The following TTN variants were observed in gnomAD, a reference collection of about 807,000 sequenced individuals.
The protein encoded by TTN is titin.
TTN carries 1,525 observed loss-of-function variants against 3,223.0 expected under a neutral mutation model. The ratio of observed to expected loss-of-function variants is 0.47; its 90% confidence interval spans 0.45 to 0.49. The LOEUF is 0.49. Ranked by LOEUF, TTN falls within the 20% of genes least tolerant of loss-of-function variation. The pLI is 0.00. For synonymous variants in TTN, 14,094 were observed against 15,161.0 expected, an observed-to-expected ratio of 0.93 and a Z score of 5.17; for missense variants, 40,786 against 43,424.0, an observed-to-expected ratio of 0.94 and a Z score of 5.40.
At chr2:178,784,875 T>C (rs2093053776) in intron 15 of TTN, among the ~76,000 whole-genome samples, 1 of 152,242 alleles carries the variant, frequency 6.6e-6, no homozygotes, top group Non-Finnish European at 1.5e-5. Flanking sequence ...CTATGGTTAT[T>C]TGTTTTGTAA....
intron 308 of TTN, 123 bp from the exon 309 acceptor site, chr2:178,585,470 T>C (rs1575993661): frequency 1.9e-6 from 2 of 1,049,228 alleles, no homozygotes; most frequent in Non-Finnish European, 2.7e-6. Context: ...ATACTTTAAG[T>C]TCTGGGATAC....
In TTN at chr2:178,569,227, A is replaced by T; in HGVS notation, c.76905T>A (p.Asn25635Lys). The change falls in exon 326 of 363, where the codon AAT becomes AAA. Residue 25635 changes from asparagine to lysine, a missense_variant. Asn to Lys is a moderately conservative substitution (Grantham distance 94). Coordinates refer to ENST00000589042, the MANE Select transcript of TTN (RefSeq NM_001267550.2). The part of the protein sequence containing the change: ...PLLDGGSKIK[N>K]YIVEKREATR... The stretch of plus-strand genomic sequence containing the variant: ...TGGCTTCACGTTTCTCAACAATGTA[A>T]TTTTTTATTTTGGATCCCCCATCCA... 1 of 1,603,852 alleles carries T rather than the reference A, an allele frequency of 6.2e-7. No homozygotes were observed. The highest frequency in any genetic ancestry group is 8.5e-7 in the Non-Finnish European group (1 of 1,174,426).
chr2:178,605,485 A>T lies in TTN; in HGVS notation c.53810T>A (p.Val17937Asp), dbSNP rs1559723150. ...LDEHQMYEFR[V>D]KAVNEIGESE... ...TTCACCAATTTCATTGACAGCTTTGACACGGAACTCATACATTTGGTGTTC... is the reference window on the plus strand; with the variant it reads ...TTCACCAATTTCATTGACAGCTTTGTCACGGAACTCATACATTTGGTGTTC... Residue 17937 changes from valine to aspartate, a missense_variant, in exon 279 of 363, where the codon GTC becomes GAC. Physicochemically the swap from Val to Asp is radical, Grantham distance 152 (BLOSUM62 -3). Transcript: ENST00000589042. 1 of 1,612,292 alleles carries T rather than the reference A, an allele frequency of 6.2e-7. No individual in the cohort carries two copies.
At position 178,694,694 on chromosome 2, in the gene TTN, A is replaced by C. The variant is rs1333748203; in HGVS notation, c.31349-18T>G. 14 of 1,532,734 alleles carry C rather than the reference A, an allele frequency of 9.1e-6. No individual in the cohort carries two copies. The highest frequency in any genetic ancestry group is 1.1e-5 in the Non-Finnish European group (12 of 1,137,078). The allele number at this position is 1,532,734 out of a possible 1,614,324, so 94.9% of individuals were successfully genotyped here. ...TTCAGGTACTTTAAAAATATGTACA[A>C]ATATATTTGTATTTTGAAGAATATT... On this transcript the variant is annotated intron_variant, in intron 116 of 362. Transcript: ENST00000589042.
Position 178,725,582 on chromosome 2 carries a change from T to A in TTN, c.20622A>T (p.Gln6874His). 1 of 1,612,370 alleles carries A rather than the reference T, an allele frequency of 6.2e-7. No homozygotes were observed. Among genetic ancestry groups the A allele is most frequent in the Non-Finnish European group, 8.5e-7 (1 of 1,179,096 alleles). ...TAGGCTGGGCGCCTTCTATGGATGC[T>A]TGTAATTCAGCAGGCTCTCCGGCTA... ...TVVAGEPAEL[Q>H]ASIEGAQPIF... Residue 6874 changes from glutamine to histidine, a missense_variant, in exon 71 of 363, where the codon CAA (glutamine) becomes CAT (histidine). Physicochemically the swap from Gln to His is conservative, Grantham distance 24 (BLOSUM62 0). Transcript: ENST00000589042.
Position 178,569,493 on chromosome 2 carries a change from C to T in TTN, c.76639G>A (p.Val25547Met), listed in dbSNP as rs1429730962. ...RPTPEVKWGK[V>M]DGEIRDAAII... ...GCTGCATCTCGGATTTCACCATCCA[C>T]CTTTCCCCATTTAACTTCTGGTGTA... Residue 25547 changes from valine (V) to methionine (M), a missense_variant, in exon 326 of 363, where the codon GTG (valine) becomes ATG (methionine). Coordinates refer to ENST00000589042, the MANE Select transcript of TTN (RefSeq NM_001267550.2). 6.2e-6 allele frequency: 10 copies of T among 1,612,756 alleles called. 1 individual carries two copies. The highest frequency in any genetic ancestry group is 3.3e-5 in the Admixed American group (2 of 59,958).
At chr2:178,638,245 AT>A (rs1045885889) in intron 223 of TTN, among the ~76,000 whole-genome samples, 11 of 151,712 alleles carry the variant, frequency 7.3e-5, no homozygotes, top group South Asian at 2.1e-4. Context: ...AATATAGTGT[AT>A]TTTTTTATGT....
chr2:178,674,979 A>G, intron 150 of TTN, 60 bp downstream of exon 150: 1 of 1,038,064 alleles, frequency 9.6e-7, no homozygotes, highest in South Asian at 1.9e-5. Flanking sequence ...TACTTCAAAT[A>G]TTAGACAATA....
In TTN at chr2:178,580,230, C is replaced by T. The variant is rs756715989; in HGVS notation, c.67058-1G>A. ...ACATTGACAGGTGGCCCAGGAGTAT[C>T]TGGATAAATAGTAGGTAAATAAGAA... On this transcript the variant is annotated splice_acceptor_variant, in intron 317 of 362. Coordinates refer to ENST00000589042, the MANE Select transcript of TTN (RefSeq NM_001267550.2). LOFTEE classifies it high-confidence loss of function. The T allele has an allele frequency of 6.2e-7, 1 of 1,611,548 alleles. No homozygotes were observed. The highest frequency in any genetic ancestry group is 1.1e-5 in the South Asian group (1 of 90,472).
Position 178,535,214 on chromosome 2 carries a change from C to T in TTN, c.101401G>A (p.Glu33801Lys). Residue 33801 changes from glutamate to lysine, a missense_variant, in exon 358 of 363, where the codon GAA (glutamate) becomes AAA (lysine). By Grantham distance (56) the Glu-to-Lys change is moderately conservative (BLOSUM62 1). Coordinates refer to ENST00000589042, the MANE Select transcript of TTN (RefSeq NM_001267550.2). ...TGAGATGCTTTAGTCATGGAGACTTCCCTGGTTTCATCTACCTCTTCATCA... is the reference window on the plus strand; with the variant it reads ...TGAGATGCTTTAGTCATGGAGACTTTCCTGGTTTCATCTACCTCTTCATCA... ...NYDEEVDETR[E>K]VSMTKASHSS... The T allele has an allele frequency of 6.2e-7, 1 of 1,613,890 alleles. No homozygotes were observed. Among genetic ancestry groups the T allele is most frequent in the Non-Finnish European group, 8.5e-7 (1 of 1,179,848 alleles).
At position 178,649,412 on chromosome 2, in the gene TTN, G is replaced by A. The variant is rs899902250; in HGVS notation, c.39974-81C>T. The A allele has an allele frequency of 1.4e-5, 18 of 1,326,162 alleles. No homozygotes were observed. The African/African-American group carries it at 2.7e-4, about 20-fold the overall frequency. The allele number at this position is 1,326,162 out of a possible 1,614,324, so 82.1% of individuals were successfully genotyped here. A position where few individuals can be genotyped will look rare whatever the true frequency, so the allele number is the denominator to read the frequency against. On this transcript the variant is annotated intron_variant, in intron 212 of 362. Transcript: ENST00000589042. ...TAAGAATAAAAAACCTGTATTTATT[G>A]GAGCAGCATTAAAATTAATGAAAGC...
At position 178,745,877 on chromosome 2, in the gene TTN, T is replaced by A; in HGVS notation, c.11312-3956A>T. ...AAACCTGGGAGGCCCTTCCACCACC[T>A]GAAATTCAAAAAAACTGTCTGTGTA... On this transcript the variant is annotated intron_variant, in intron 47 of 362. Transcript: ENST00000589042. 3 of 1,611,840 alleles carry A rather than the reference T, an allele frequency of 1.9e-6. No individual in the cohort carries two copies. In the South Asian group the frequency reaches 3.3e-5, roughly 18 times the overall value.
chr2:178,674,363 T>C lies in TTN; in HGVS notation c.34659A>G (p.Pro11553=). 6.3e-7 allele frequency: 1 copy of C among 1,598,214 alleles called. No individual in the cohort carries two copies. The highest frequency in any genetic ancestry group is 8.5e-7 in the Non-Finnish European group (1 of 1,170,920). Residue 11553 remains proline (P), a synonymous_variant, in exon 151 of 363, where the codon CCA becomes CCG. Transcript: ENST00000589042. ...EEEPISEEEI[P]EEPPSIEEVE... ...CTTCCTCTATGCTAGGTGGTTCTTC[T>C]GGGATTTCTTCTTCTGAAATAGGCT...
chr2:178,610,082 A>G lies in TTN; in HGVS notation c.51436+8T>C, dbSNP rs763959898. On this transcript the variant is annotated splice_region_variant and intron_variant, in intron 271 of 362. Transcript: ENST00000589042. The stretch of plus-strand genomic sequence containing the variant: ...TCTTAGCCATAGTGCATCCATGTCC[A>G]AACTTACGCTTTGGATCTTGAGCAA... 6.2e-7 allele frequency: 1 copy of G among 1,612,652 alleles called. No homozygotes were observed. Among genetic ancestry groups the G allele is most frequent in the Admixed American group, 1.7e-5 (1 of 59,922 alleles).
At chr2:178,797,889 T>C (rs975885949) in intron 6 of TTN, among the ~76,000 whole-genome samples, 1 of 152,142 alleles carries the variant, frequency 6.6e-6, no homozygotes, top group African/African-American at 2.4e-5. Flanking sequence ...TTTTTCATTT[T>C]TTAACTATTT....
chr2:178,629,170 C>CT (rs2154219313), intron 240 of TTN, 131 bp downstream of exon 240: 1 of 1,277,774 alleles, frequency 7.8e-7, no homozygotes, highest in East Asian at 2.8e-5. Context: ...AGAAATCAGG[C>CT]TAAAGGCGGA....
In TTN at chr2:178,530,086, A is replaced by G; in HGVS notation, c.106405T>C (p.Ser35469Pro). 1.2e-6 allele frequency: 2 copies of G among 1,609,060 alleles called. No homozygotes were observed. The highest frequency in any genetic ancestry group is 1.7e-6 in the Non-Finnish European group (2 of 1,178,660). Residue 35469 changes from serine to proline, a missense_variant, in exon 359 of 363, where the codon TCT becomes CCT. Ser to Pro is a moderately conservative substitution (Grantham distance 74). Transcript: ENST00000589042. Reference sequence around the variant, plus strand: ...AAGAAGAACCCTCCCTTGTCTTCAGAGAGTTTATATTTACCTCCTTGTGTA... The same window carrying G: ...AAGAAGAACCCTCCCTTGTCTTCAGGGAGTTTATATTTACCTCCTTGTGTA... ...AITQGGKYKL[S>P]EDKGGFFLEI...
chr2:178,631,151 T>A lies in TTN; in HGVS notation c.43897A>T (p.Ile14633Phe). 6.2e-7 allele frequency: 1 copy of A among 1,613,390 alleles called. No homozygotes were observed. Among genetic ancestry groups the A allele is most frequent in the Non-Finnish European group, 8.5e-7 (1 of 1,179,600 alleles). ...KEIKPSKNAVIKADGKKRMLI... is the reference protein window; with the variant it reads ...KEIKPSKNAVFKADGKKRMLI... ...ATGCGTTTCTTGCCATCTGCCTTAA[T>A]AACAGCATTTTTGGATGGCTTTATT... The change falls in exon 237 of 363, where the codon ATT becomes TTT. Residue 14633 changes from isoleucine (I) to phenylalanine (F), a missense_variant. By Grantham distance (21) the Ile-to-Phe change is conservative. Transcript: ENST00000589042.
chr2:178,630,889 T>C lies in TTN; in HGVS notation c.44069A>G (p.Glu14690Gly). ...PLHSVEVMETETARFETEISE... is the reference protein window; with the variant it reads ...PLHSVEVMETGTARFETEISE... ...GATTTCGGTTTCAAAGCGTGCTGTC[T>C]CAGTCTCCATCACCTCCACACTGTG... The change falls in exon 238 of 363, where the codon GAG becomes GGG. Residue 14690 changes from glutamate to glycine, a missense_variant. Coordinates refer to ENST00000589042, the MANE Select transcript of TTN (RefSeq NM_001267550.2). The C allele has an allele frequency of 6.2e-7, 1 of 1,613,296 alleles. No homozygotes were observed. Among genetic ancestry groups the C allele is most frequent in the East Asian group, 2.2e-5 (1 of 44,726 alleles).
Sources: gnomAD v4.1 joint callset for allele counts (sites outside exome capture counted in the v4.1 genomes callset) on GRCh38, gnomAD v4.1.1 for gene constraint, MANE v1.5 for transcripts, NCBI Gene and HGNC (gene_info 2026-07-23, HGNC 2026-07-21) for gene names.